Variants in BRINP3 observed in about 807,000 individuals in gnomAD.
BRINP3 encodes BMP/retinoic acid inducible neural specific 3, also known as BMP/retinoic acid-inducible neural-specific protein 3.
A neutral mutation model predicts 71.0 loss-of-function variants in BRINP3; 19 were observed. The ratio of observed to expected loss-of-function variants is 0.27; its 90% CI spans 0.19 to 0.39. BRINP3 has a LOEUF of 0.39. BRINP3 is among the 10% of genes least tolerant of loss of function. The probability of loss-of-function intolerance (pLI) is 1.00; values close to 1 mark genes in which losing one functional copy is unlikely to be tolerated. For missense variants in BRINP3, 959 were observed against 940.8 expected, an observed-to-expected ratio of 1.02 and a Z score of -0.25; for synonymous variants, 380 against 337.7, an observed-to-expected ratio of 1.13 and a Z score of -1.37.
intron 6 of BRINP3, among the ~76,000 whole-genome samples, chr1:190,224,073 A>G (rs189568674): frequency 8.5e-4 from 129 of 151,906 alleles, no homozygotes; most frequent in Middle Eastern, 3.4e-3. Context: ...TACTAAAGCA[A>G]TTTACGGATT....
intron 2 of BRINP3, among the ~76,000 whole-genome samples, chr1:190,405,450 C>CAAAAAAAAAAAAAAA (rs1334402738): frequency 1.0e-4 from 4 of 39,148 alleles, no homozygotes; most frequent in East Asian, 7.7e-4. Flanking sequence ...GACTCCGTCT[C>CAAAAAAAAAAAAAAA]AAAAAAAAAA....
intron 3 of BRINP3, among the ~76,000 whole-genome samples, chr1:190,270,616 C>T (rs1571583910): frequency 6.6e-6 from 1 of 151,596 alleles, no homozygotes; most frequent in East Asian, 1.9e-4. Flanking sequence ...ATTCATTGTA[C>T]AAATATCTCT....
chr1:190,104,258 A>G (rs559332029), intron 7 of BRINP3, among the ~76,000 whole-genome samples: 14 of 152,138 alleles, frequency 9.2e-5, no homozygotes, highest in Non-Finnish European at 1.9e-4. Flanking sequence ...TATTAGCTTG[A>G]GACCATTTTC....
intron 2 of BRINP3, among the ~76,000 whole-genome samples, chr1:190,428,014 G>T (rs1673837676): frequency 6.6e-6 from 1 of 151,772 alleles, no homozygotes; most frequent in African/African-American, 2.4e-5. Flanking sequence ...CTGTTCCTAT[G>T]TGACTTTGCC....
chr1:190,130,462 G>A (rs928656172), intron 7 of BRINP3, among the ~76,000 whole-genome samples: 2 of 151,918 alleles, frequency 1.3e-5, no homozygotes, highest in Non-Finnish European at 2.9e-5. Context: ...ATCATCTGAA[G>A]AGTGGAAAAA....
At chr1:190,244,957 A>T (rs764109155) in intron 4 of BRINP3, among the ~76,000 whole-genome samples, 243 of 152,208 alleles carry the variant, frequency 1.6e-3, no homozygotes, top group Non-Finnish European at 2.2e-3. Flanking sequence ...AAAACTTTTT[A>T]TTATAGCCGT....
chr1:190,304,091 C>T (rs1460139888), intron 2 of BRINP3, among the ~76,000 whole-genome samples: 1 of 151,718 alleles, frequency 6.6e-6, no homozygotes, highest in African/African-American at 2.4e-5. Flanking sequence ...TGCAAGTCTG[C>T]CACTAACTCG....
chr1:190,360,444 C>T (rs1040697009), intron 2 of BRINP3, among the ~76,000 whole-genome samples: 9 of 152,060 alleles, frequency 5.9e-5, no homozygotes, highest in Admixed American at 2.6e-4. Flanking sequence ...AAAATGAAAA[C>T]AAAACAAGAC....
chr1:190,320,832 G>A (rs896811890), intron 2 of BRINP3, among the ~76,000 whole-genome samples: 4 of 151,900 alleles, frequency 2.6e-5, no homozygotes, highest in East Asian at 1.9e-4. Flanking sequence ...ATATGAGAAC[G>A]TACAAACTCC....
intron 4 of BRINP3, among the ~76,000 whole-genome samples, chr1:190,239,057 C>A (rs1052982272): frequency 2.6e-5 from 4 of 152,138 alleles, no homozygotes; most frequent in Non-Finnish European, 5.9e-5. Flanking sequence ...TGAAAGAGAG[C>A]GAGGAAGTGC....
At chr1:190,139,161 A>G (rs1016861503) in intron 7 of BRINP3, among the ~76,000 whole-genome samples, 2 of 151,712 alleles carry the variant, frequency 1.3e-5, no homozygotes, top group African/African-American at 4.9e-5. Context: ...AAAAAAAAAA[A>G]TGATCGGCCC....
chr1:190,456,227 G>T (rs1029242749), intron 1 of BRINP3, among the ~76,000 whole-genome samples: 3 of 152,124 alleles, frequency 2.0e-5, no homozygotes, highest in African/African-American at 4.8e-5. Context: ...GAGATATAGA[G>T]AAATAATTTT....
intron 2 of BRINP3, among the ~76,000 whole-genome samples, chr1:190,450,266 G>A (rs979345256): frequency 6.6e-6 from 1 of 152,068 alleles, no homozygotes; most frequent in African/African-American, 2.4e-5. Context: ...CTGTATTTAG[G>A]GTAAGTGCCA....
intron 4 of BRINP3, among the ~76,000 whole-genome samples, chr1:190,242,271 CAAAT>C (rs1239784111): frequency 1.3e-5 from 2 of 151,898 alleles, no homozygotes; most frequent in African/African-American, 4.8e-5. Flanking sequence ...TACATGTCCT[CAAAT>C]AAAAAATATA....
intron 6 of BRINP3, among the ~76,000 whole-genome samples, chr1:190,161,986 G>A (rs1205110740): frequency 6.6e-6 from 1 of 151,862 alleles, no homozygotes; most frequent in Non-Finnish European, 1.5e-5. Flanking sequence ...ATGAACATTG[G>A]GTTTATTTTT....
intron 7 of BRINP3, among the ~76,000 whole-genome samples, chr1:190,110,839 A>G (rs914772278): frequency 4.6e-5 from 7 of 152,132 alleles, no homozygotes; most frequent in African/African-American, 1.7e-4. Context: ...TGGAAATTAA[A>G]TTATTATTAT....
intron 2 of BRINP3, among the ~76,000 whole-genome samples, chr1:190,376,746 A>C (rs1158147424): frequency 6.6e-6 from 1 of 152,096 alleles, no homozygotes; most frequent in Non-Finnish European, 1.5e-5. Flanking sequence ...AACCTTTGAC[A>C]TAATCAAATC....
intron 2 of BRINP3, chr1:190,362,208 C>T (rs1571862010): frequency 6.6e-6 from 1 of 152,112 alleles, no homozygotes; most frequent in East Asian, 1.9e-4. Flanking sequence ...TTTAAGCCAC[C>T]TAGTCTGTCA....
At chr1:190,328,763 T>C (rs1350468089) in intron 2 of BRINP3, among the ~76,000 whole-genome samples, 5 of 146,576 alleles carry the variant, frequency 3.4e-5, no homozygotes, top group African/African-American at 1.0e-4. Context: ...CTGATGAACA[T>C]AGACACAAAA....
Sources: allele counts gnomAD v4.1 joint callset (sites outside exome capture counted in the v4.1 genomes callset), GRCh38; gene constraint gnomAD v4.1.1; transcripts MANE v1.5; gene names NCBI Gene and HGNC (gene_info 2026-07-23, HGNC 2026-07-21).